Variants in DIAPH3 observed in about 807,000 individuals in gnomAD.
The protein encoded by DIAPH3 is diaphanous related formin 3.
Under a neutral mutation model 144.3 loss-of-function variants are expected in DIAPH3, and 117 were observed. The observed-to-expected ratio is 0.81, with a 90% CI of 0.70 to 0.95. The LOEUF is 0.95. Ranked by LOEUF, DIAPH3 falls within the 40% of genes least tolerant of loss-of-function variation. The pLI, the probability that DIAPH3 is intolerant of heterozygous loss-of-function variation, is 0.00. For synonymous variants in DIAPH3, 519 were observed against 488.9 expected (o/e 1.06, Z -0.81); for missense variants, 1,421 against 1,412.7 (o/e 1.01, Z -0.09).
chr13:59,765,360 G>A (rs9538520), intron 27 of DIAPH3, among the ~76,000 whole-genome samples: 51,992 of 152,008 alleles, frequency 0.34, 9,373 homozygotes, highest in African/African-American at 0.44. Flanking sequence ...AAGTGCCAGC[G>A]TATTTTGAAT....
chr13:59,939,835 CGTGTGT>C (rs3220859), intron 17 of DIAPH3, among the ~76,000 whole-genome samples: 34,391 of 146,514 alleles, frequency 0.23, 4,648 homozygotes, highest in Admixed American at 0.37. Context: ...GAGAATGAGG[CGTGTGT>C]GTGTGTGTGT....
chr13:59,768,600 T>C (rs989602518), intron 27 of DIAPH3, among the ~76,000 whole-genome samples: 14 of 152,056 alleles, frequency 9.2e-5, no homozygotes, highest in Admixed American at 8.5e-4. Context: ...GGGGTGGCTA[T>C]ATATGAAGTT....
intron 27 of DIAPH3, among the ~76,000 whole-genome samples, chr13:59,769,252 G>A (rs1438248995): frequency 6.6e-6 from 1 of 152,058 alleles, no homozygotes; most frequent in Non-Finnish European, 1.5e-5. Context: ...TCACTCAGTG[G>A]TATACCAGAG....
chr13:59,989,743 C>T (rs1385820826), intron 12 of DIAPH3, among the ~76,000 whole-genome samples: 1 of 151,878 alleles, frequency 6.6e-6, no homozygotes, highest in Non-Finnish European at 1.5e-5. Context: ...GTTTTTTAAT[C>T]TGTTTTGAAG....
chr13:59,867,905 G>C (rs946042357), intron 21 of DIAPH3, among the ~76,000 whole-genome samples: 2 of 152,044 alleles, frequency 1.3e-5, no homozygotes, highest in East Asian at 3.8e-4. Flanking sequence ...AATATGATTA[G>C]AATACAAATA....
chr13:60,008,681 A>C (rs753080187), intron 8 of DIAPH3, 32 bp from the exon 9 acceptor site: 1 of 1,335,840 alleles, frequency 7.5e-7, no homozygotes, highest in South Asian at 1.2e-5. Flanking sequence ...TTAAATTGCA[A>C]GTAGCAAACA....
chr13:59,708,213 C>T (rs367649962), intron 27 of DIAPH3, among the ~76,000 whole-genome samples: 1 of 152,036 alleles, frequency 6.6e-6, no homozygotes, highest in African/African-American at 2.4e-5. Flanking sequence ...CAGGTGAGAG[C>T]CACCATGCCA....
intron 4 of DIAPH3, among the ~76,000 whole-genome samples, chr13:60,085,689 A>G (rs960868690): frequency 6.6e-6 from 1 of 152,260 alleles, no homozygotes; most frequent in Admixed American, 6.5e-5. Context: ...CTGCACATAC[A>G]TAGCATTTAT....
chr13:59,715,862 G>A (rs1207709138), intron 27 of DIAPH3, among the ~76,000 whole-genome samples: 1 of 152,164 alleles, frequency 6.6e-6, no homozygotes, highest in South Asian at 2.1e-4. Flanking sequence ...CACAGTGCCT[G>A]CTTGCAGATA....
At chr13:59,911,428 C>A (rs1445721636) in intron 20 of DIAPH3, among the ~76,000 whole-genome samples, 1 of 152,182 alleles carries the variant, frequency 6.6e-6, no homozygotes, top group Non-Finnish European at 1.5e-5. Flanking sequence ...TAGAATAAAT[C>A]ACAAATATAC....
chr13:59,883,932 A>C (rs1196296295), intron 20 of DIAPH3, among the ~76,000 whole-genome samples: 1 of 152,102 alleles, frequency 6.6e-6, no homozygotes, highest in East Asian at 1.9e-4. Context: ...ATTGTGCTGA[A>C]TCTTTAATAC....
chr13:59,727,416 T>C (rs913369510), intron 27 of DIAPH3, among the ~76,000 whole-genome samples: 1 of 152,214 alleles, frequency 6.6e-6, no homozygotes, highest in Non-Finnish European at 1.5e-5. Context: ...AACATTTCCA[T>C]AGGAGTCATT....
At chr13:59,757,383 T>C (rs1384106739) in intron 27 of DIAPH3, among the ~76,000 whole-genome samples, 1 of 148,820 alleles carries the variant, frequency 6.7e-6, no homozygotes, top group Non-Finnish European at 1.5e-5. Flanking sequence ...CTAGTTATTA[T>C]GGGTCATCCT....
At chr13:59,892,464 A>T (rs1454020423) in intron 20 of DIAPH3, among the ~76,000 whole-genome samples, 1 of 152,036 alleles carries the variant, frequency 6.6e-6, no homozygotes, top group Non-Finnish European at 1.5e-5. Flanking sequence ...GCATTTCTTC[A>T]GGAAGAAAGG....
intron 25 of DIAPH3, among the ~76,000 whole-genome samples, chr13:59,794,697 C>A (rs572622019): frequency 1.3e-5 from 2 of 152,132 alleles, no homozygotes; most frequent in South Asian, 4.2e-4. Flanking sequence ...TTTATCGAGG[C>A]AGGGTCTCAT....
At chr13:60,013,272 T>A (rs1176577364) in intron 7 of DIAPH3, 2 of 951,830 alleles carry the variant, frequency 2.1e-6, no homozygotes, top group Non-Finnish European at 2.5e-6. Flanking sequence ...CTGAAGATGA[T>A]GTTTTAGGTA....
chr13:60,022,459 G>A (rs1209628808), intron 5 of DIAPH3, among the ~76,000 whole-genome samples: 1 of 152,160 alleles, frequency 6.6e-6, no homozygotes, highest in Non-Finnish European at 1.5e-5. Flanking sequence ...AGGAAACTGA[G>A]GAGTTTAAAA....
intron 17 of DIAPH3, among the ~76,000 whole-genome samples, chr13:59,967,333 C>T: frequency 6.6e-6 from 1 of 152,034 alleles, no homozygotes. Flanking sequence ...CCTCGACCTC[C>T]CAAAATGCTG....
At chr13:59,946,092 A>G (rs768155715) in intron 17 of DIAPH3, among the ~76,000 whole-genome samples, 6 of 152,156 alleles carry the variant, frequency 3.9e-5, no homozygotes, top group Non-Finnish European at 5.9e-5. Context: ...TGATATCTCT[A>G]CTGGCAACAC....
Sources: allele counts gnomAD v4.1 joint callset (sites outside exome capture counted in the v4.1 genomes callset), GRCh38; gene constraint gnomAD v4.1.1; transcripts MANE v1.5; gene names NCBI Gene and HGNC (gene_info 2026-07-23, HGNC 2026-07-21).